Variants in PEDS1 observed in about 807,000 individuals in gnomAD.
PEDS1 encodes the protein plasmanylethanolamine desaturase 1, also known as CarF homolog.
A neutral mutation model predicts 35.2 loss-of-function variants in PEDS1; 14 were observed. That is an observed-to-expected ratio of 0.40 (90% CI 0.26 to 0.62). The LOEUF is 0.62. Ranked by LOEUF, PEDS1 falls within the 20% of genes least tolerant of loss-of-function variation. PEDS1 has a pLI of 0.44. For synonymous variants in PEDS1, 152 were observed against 152.0 expected, an observed-to-expected ratio of 1.00 and a Z score of 0.00; for missense variants, 260 against 367.8, an observed-to-expected ratio of 0.71 and a Z score of 2.40.
At chr20:50,126,081 C>T (rs939307290) in intron 5 of PEDS1, among the ~76,000 whole-genome samples, 35 of 152,136 alleles carry the variant, frequency 2.3e-4, no homozygotes, top group Admixed American at 2.2e-3. Flanking sequence ...TTCGTTAATT[C>T]TCTATTTTCC....
At position 50,152,196 on chromosome 20, in the gene PEDS1, G is replaced by A. The variant is rs1340949377; in HGVS notation, c.121+1321C>T. Among the ~76,000 whole-genome samples the A allele has an allele frequency of 2.0e-5, 3 of 152,156 alleles. No homozygotes were observed. The East Asian group carries it at 5.8e-4, about 29-fold the overall frequency. On this transcript the variant is annotated intron_variant, in intron 1 of 5. Coordinates refer to ENST00000371652, the MANE Select transcript of PEDS1 (RefSeq NM_199129.4). ...TCAGGTGTGAAAAATCACATACAGA[G>A]AATGGAGTGGTCTAGGACCCAGTGA...
intron 2 of PEDS1, among the ~76,000 whole-genome samples, chr20:50,137,424 C>T (rs1353439833): frequency 6.6e-6 from 1 of 152,200 alleles, no homozygotes; most frequent in Non-Finnish European, 1.5e-5. Context: ...GTCATGTTGA[C>T]AGTCTGTACT....
chr20:50,139,633 G>C (rs192401321), intron 2 of PEDS1, among the ~76,000 whole-genome samples: 8 of 151,552 alleles, frequency 5.3e-5, no homozygotes, highest in Non-Finnish European at 1.0e-4. Context: ...GCCAGCCTAG[G>C]AGATAAGGAG....
At chr20:50,126,130 C>T (rs533746863) in intron 5 of PEDS1, among the ~76,000 whole-genome samples, 3 of 152,302 alleles carry the variant, frequency 2.0e-5, no homozygotes, top group East Asian at 3.9e-4. Context: ...CCAACTGGAA[C>T]GTTATCCCCA....
chr20:50,152,138 A>G (rs2081411133), intron 1 of PEDS1, among the ~76,000 whole-genome samples: 1 of 152,204 alleles, frequency 6.6e-6, no homozygotes, highest in African/African-American at 2.4e-5. Context: ...ATAGGCCTGA[A>G]GAAACCATAG....
intron 1 of PEDS1, chr20:50,151,442 G>A (rs1051781328): frequency 1.9e-6 from 1 of 513,836 alleles, no homozygotes; most frequent in African/African-American, 2.0e-5. Flanking sequence ...GGGTTCACAG[G>A]AGCAGGCAGA....
chr20:50,142,256 A>C (rs891392391), intron 2 of PEDS1, among the ~76,000 whole-genome samples: 3 of 152,192 alleles, frequency 2.0e-5, no homozygotes, highest in Non-Finnish European at 4.4e-5. Context: ...AAAAATACTG[A>C]GCACCGGCTG....
intron 2 of PEDS1, among the ~76,000 whole-genome samples, chr20:50,132,057 A>C (rs1309829851): frequency 6.6e-6 from 1 of 152,104 alleles, no homozygotes; most frequent in African/African-American, 2.4e-5. Flanking sequence ...TACAAAAATT[A>C]GCCGGGTGTG....
intron 2 of PEDS1, among the ~76,000 whole-genome samples, chr20:50,137,581 C>T (rs956763618): frequency 6.6e-6 from 1 of 152,094 alleles, no homozygotes; most frequent in Non-Finnish European, 1.5e-5. Flanking sequence ...TCCTCAAAAC[C>T]GTCAAGGTCA....
intron 2 of PEDS1, 72 bp downstream of exon 2, chr20:50,143,430 A>G (rs1199562839): frequency 1.3e-6 from 2 of 1,550,474 alleles, no homozygotes; most frequent in African/African-American, 1.4e-5. Flanking sequence ...GGACACACAC[A>G]CGCGCCAGTT....
Position 50,122,457 on chromosome 20 carries a change from C to T in PEDS1, c.*2601G>A, listed in dbSNP as rs976884840. 1 of 152,160 alleles carries T rather than the reference C, an allele frequency of 6.6e-6. No homozygotes were observed. Among genetic ancestry groups the T allele is most frequent in the Non-Finnish European group, 1.5e-5 (1 of 68,024 alleles). 9.4% of individuals were successfully genotyped at this position (152,160 alleles called of 1,614,324 possible). A position where few individuals can be genotyped will look rare whatever the true frequency, so the allele number is the denominator to read the frequency against. On this transcript the variant is annotated 3_prime_UTR_variant, in exon 6 of 6. Transcript: ENST00000371652. Reference sequence around the variant, plus strand: ...GTGGCTCATGCCTGTAATCCCAACACTTTGGGAGGCCAAGGTGGGTGGATC... The same window carrying T: ...GTGGCTCATGCCTGTAATCCCAACATTTTGGGAGGCCAAGGTGGGTGGATC...
Position 50,124,602 on chromosome 20 carries a change from C to G in PEDS1, c.*456G>C. On this transcript the variant is annotated 3_prime_UTR_variant, in exon 6 of 6. Transcript: ENST00000371652. ...CTGGGGCTGTCCACCTGCCCAGCCT[C>G]CCGGGGTCAGTATGCAGGGCTGTGG... 6.3e-6 allele frequency: 1 copy of G among 158,058 alleles called. No homozygotes were observed. The highest frequency in any genetic ancestry group is 1.8e-4 in the South Asian group (1 of 5,420). The allele number at this position is 158,058 out of a possible 1,614,324, so 9.8% of individuals were successfully genotyped here. A position where few individuals can be genotyped will look rare whatever the true frequency, so the allele number is the denominator to read the frequency against.
chr20:50,141,972 C>T (rs1463461981), intron 2 of PEDS1, among the ~76,000 whole-genome samples: 3 of 152,150 alleles, frequency 2.0e-5, no homozygotes, highest in Non-Finnish European at 4.4e-5. Context: ...AGGGCACAGC[C>T]GCCCCCTTCA....
intron 2 of PEDS1, among the ~76,000 whole-genome samples, chr20:50,141,503 C>T (rs2081291260): frequency 6.6e-6 from 1 of 152,202 alleles, no homozygotes; most frequent in African/African-American, 2.4e-5. Context: ...TCACAACAGC[C>T]CTAGGAGGCA....
In PEDS1 at chr20:50,128,553, G is replaced by C. The variant is rs1184942285; in HGVS notation, c.479-366C>G. Among the ~76,000 whole-genome samples, 1 of 152,188 alleles carries C rather than the reference G, an allele frequency of 6.6e-6. No homozygotes were observed. Among genetic ancestry groups the C allele is most frequent in the African/African-American group, 2.4e-5 (1 of 41,432 alleles). The stretch of plus-strand genomic sequence containing the variant: ...ATTTCCCCATCAGGAAAATGGGAAT[G>C]ATGCCTTCACCCAGGTTCCCTAGAA... On this transcript the variant is annotated intron_variant, in intron 4 of 5. Coordinates refer to ENST00000371652, the MANE Select transcript of PEDS1 (RefSeq NM_199129.4). This position sits in a 1 kb window ranked among gnomAD's most constrained non-coding sequence, Gnocchi z 5.2.
intron 1 of PEDS1, among the ~76,000 whole-genome samples, chr20:50,145,785 C>A (rs568425969): frequency 6.6e-6 from 1 of 152,180 alleles, no homozygotes; most frequent in Non-Finnish European, 1.5e-5. Flanking sequence ...CCATAAGGCA[C>A]AGAAGACCTT....
intron 5 of PEDS1, among the ~76,000 whole-genome samples, chr20:50,127,628 G>C (rs959256640): frequency 6.6e-5 from 10 of 152,340 alleles, no homozygotes; most frequent in African/African-American, 2.2e-4. Context: ...TTCCAGGCAT[G>C]AGCCACTGCG....
chr20:50,142,684 C>T (rs955703692), intron 2 of PEDS1, among the ~76,000 whole-genome samples: 41 of 66,974 alleles, frequency 6.1e-4, no homozygotes, highest in Non-Finnish European at 7.8e-4. Context: ...AGTCATCCGC[C>T]CCCCCCCCCC....
chr20:50,145,526 C>A (rs1028060603), intron 1 of PEDS1, among the ~76,000 whole-genome samples: 1 of 152,156 alleles, frequency 6.6e-6, no homozygotes, highest in Non-Finnish European at 1.5e-5. Flanking sequence ...GAAACCCCAT[C>A]TCTACTAAAA....
Sources: gnomAD v4.1 joint callset for allele counts (sites outside exome capture counted in the v4.1 genomes callset) on GRCh38, gnomAD v4.1.1 for gene constraint, Gnocchi (gnomAD v3.1) non-coding constraint, MANE v1.5 for transcripts, NCBI Gene and HGNC (gene_info 2026-07-23, HGNC 2026-07-21) for gene names.